CLUL1: variants seen among roughly 807,000 people sequenced by gnomAD.
CLUL1 encodes the protein clusterin like 1.
CLUL1 carries 43 observed loss-of-function variants against 49.4 expected under a neutral mutation model. That is an observed-to-expected ratio of 0.87 (90% CI 0.68 to 1.12). The LOEUF (loss-of-function observed/expected upper bound fraction) is 1.12. Among genes scored for constraint, CLUL1 ranks in the 50% most tolerant of loss-of-function variants. The probability of loss-of-function intolerance (pLI) is 0.00; values close to 1 mark genes in which losing one functional copy is unlikely to be tolerated. For missense variants in CLUL1, 486 were observed against 544.4 expected (o/e 0.89, Z 1.07); for synonymous variants, 192 against 184.9 (o/e 1.04, Z -0.31).
In CLUL1 at chr18:607,090, G is replaced by GA. The variant is rs1275942864; in HGVS notation, c.-23_-22insA. The GA allele has an allele frequency of 1.4e-6, 1 of 701,732 alleles. No homozygotes were observed. The highest frequency in any genetic ancestry group is 2.6e-6 in the Non-Finnish European group (1 of 384,692). The allele number at this position is 701,732 out of a possible 1,614,324, so 43.5% of individuals were successfully genotyped here. On this transcript the variant is annotated 5_prime_UTR_variant, in exon 2 of 10. It introduces an in-frame stop codon into an upstream open reading frame of the 5' UTR. Transcript: ENST00000692774. ...TCCTACCTCAGCCCCATGAGGACCT[G>GA]GGACTACAGGTATGCACCGCTATAC...
chr18:639,402 GC>G (rs2074264984), intron 7 of CLUL1, among the ~76,000 whole-genome samples: 1 of 133,766 alleles, frequency 7.5e-6, no homozygotes, highest in Admixed American at 8.4e-5. Context: ...TTGCACTCCA[GC>G]CTGGGTGACA....
chr18:641,524 A>G lies in CLUL1; in HGVS notation c.1192A>G (p.Ile398Val). ...LANQAPETEI[I>V]FNSIQVVPRI... ...AAACCAGGCCCCAGAAACAGAGATC[A>G]TCTTTAATTCAATACAGGTAAAGGA... is the stretch of plus-strand genomic sequence containing the variant. Residue 398 changes from isoleucine (I) to valine (V), a missense_variant, in exon 8 of 10, where the codon ATC (isoleucine) becomes GTC (valine). By Grantham distance (29) the Ile-to-Val change is conservative. Coordinates refer to ENST00000692774, the MANE Select transcript of CLUL1 (RefSeq NM_001393344.1). 6.2e-7 allele frequency: 1 copy of G among 1,614,122 alleles called. No homozygotes were observed. The highest frequency in any genetic ancestry group is 8.5e-7 in the Non-Finnish European group (1 of 1,179,960).
At chr18:626,613 C>G (rs2073707216) in intron 5 of CLUL1, among the ~76,000 whole-genome samples, 1 of 151,414 alleles carries the variant, frequency 6.6e-6, no homozygotes, top group Admixed American at 6.6e-5. Flanking sequence ...TATCCTAGCA[C>G]TTTGGGAGGC....
intron 7 of CLUL1, among the ~76,000 whole-genome samples, chr18:634,332 C>T (rs1027478271): frequency 6.6e-6 from 1 of 152,094 alleles, no homozygotes; most frequent in Non-Finnish European, 1.5e-5. Flanking sequence ...GAGGGTTTCA[C>T]CATATTGGCC....
At chr18:629,508 AC>A (rs1195320469) in intron 6 of CLUL1, among the ~76,000 whole-genome samples, 22 of 152,006 alleles carry the variant, frequency 1.4e-4, no homozygotes, top group Admixed American at 4.6e-4. Context: ...AACCACTGTA[AC>A]CCCCTCCCAC....
At chr18:635,630 T>C (rs1054089681) in intron 7 of CLUL1, among the ~76,000 whole-genome samples, 10 of 152,176 alleles carry the variant, frequency 6.6e-5, no homozygotes, top group African/African-American at 2.4e-4. Flanking sequence ...GAGTAATTTA[T>C]ATCAACGCAA....
chr18:639,264 A>C (rs2074257419), intron 7 of CLUL1, among the ~76,000 whole-genome samples: 1 of 151,062 alleles, frequency 6.6e-6, no homozygotes, highest in African/African-American at 2.4e-5. Flanking sequence ...ATCTCTATTA[A>C]AAATACAAAA....
chr18:647,266 G>A (rs1272054434), intron 9 of CLUL1, among the ~76,000 whole-genome samples: 1 of 151,518 alleles, frequency 6.6e-6, no homozygotes, highest in African/African-American at 2.4e-5. Flanking sequence ...TCTAGGTACT[G>A]AGGGTGCTGG....
At chr18:619,726 G>T (rs968135041) in intron 4 of CLUL1, among the ~76,000 whole-genome samples, 36 of 150,928 alleles carry the variant, frequency 2.4e-4, no homozygotes, top group African/African-American at 8.8e-4. Context: ...TTTTTTGTTT[G>T]TTTCTGTTTT....
rs762667388 is a variant in CLUL1 at position 641,494 on chromosome 18, C to T, written c.1162C>T (p.Leu388=). Residue 388 remains leucine (L), a synonymous_variant, in exon 8 of 10, where the codon CTG becomes TTG. Coordinates refer to ENST00000692774, the MANE Select transcript of CLUL1 (RefSeq NM_001393344.1). ...AGGGCAATTTGGCTGGGTGTCTGAA[C>T]TGGCAAACCAGGCCCCAGAAACAGA... ...MRGQFGWVSE[L]ANQAPETEII... 2.5e-6 allele frequency: 4 copies of T among 1,614,206 alleles called. No individual in the cohort carries two copies. Among genetic ancestry groups the T allele is most frequent in the Non-Finnish European group, 3.4e-6 (4 of 1,180,036 alleles).
chr18:649,964 C>A lies in CLUL1; in HGVS notation c.*63C>A. On this transcript the variant is annotated 3_prime_UTR_variant, in exon 10 of 10. Coordinates refer to ENST00000692774, the MANE Select transcript of CLUL1 (RefSeq NM_001393344.1). The stretch of plus-strand genomic sequence containing the variant: ...ATCTCTTCATCTGGGACCTGGAAAT[C>A]CTGAAATAAAAAAGGATAATGCAAT... The A allele has an allele frequency of 9.0e-7, 1 of 1,116,904 alleles. No homozygotes were observed. The highest frequency in any genetic ancestry group is 1.3e-6 in the Non-Finnish European group (1 of 760,546). 69.2% of individuals were successfully genotyped at this position (1,116,904 alleles called of 1,614,324 possible).
rs1233996238 is a variant in CLUL1, at chr18:639,152, T to C, written c.995-2175T>C. ...TAAAAACATGCTTCATACAGCCGGG[T>C]GTGGTGGCTCATGCCTGTAATCCCA... On this transcript the variant is annotated intron_variant, in intron 7 of 9. Transcript: ENST00000692774. Among the ~76,000 whole-genome samples the C allele has an allele frequency of 2.0e-5, 3 of 152,034 alleles. No individual in the cohort carries two copies. The East Asian group carries it at 5.8e-4, about 29-fold the overall frequency.
intron 2 of CLUL1, among the ~76,000 whole-genome samples, chr18:608,106 G>C (rs112063791): frequency 3.1e-4 from 47 of 152,306 alleles, no homozygotes; most frequent in African/African-American, 1.1e-3. Flanking sequence ...GAGTGAGGCT[G>C]TGCTGGGTGC....
At chr18:646,115 A>G (rs1254135166) in intron 9 of CLUL1, among the ~76,000 whole-genome samples, 1 of 151,756 alleles carries the variant, frequency 6.6e-6, no homozygotes, top group Non-Finnish European at 1.5e-5. Flanking sequence ...ATGTGGAGCC[A>G]GTTCTCTCTC....
intron 6 of CLUL1, among the ~76,000 whole-genome samples, chr18:632,412 T>A (rs919593963): frequency 2.0e-5 from 3 of 152,132 alleles, no homozygotes; most frequent in Non-Finnish European, 4.4e-5. Context: ...TAACCACCTA[T>A]CACCCACTTT....
chr18:613,429 T>C (rs980062810), intron 2 of CLUL1: 4 of 247,148 alleles, frequency 1.6e-5, no homozygotes, highest in Non-Finnish European at 3.1e-5. Flanking sequence ...TGAGCCACTG[T>C]GCCTGGCAAT....
intron 2 of CLUL1, among the ~76,000 whole-genome samples, chr18:611,499 G>A (rs1252044303): frequency 6.6e-6 from 1 of 152,034 alleles, no homozygotes; most frequent in Non-Finnish European, 1.5e-5. Flanking sequence ...AGGAGTTGGA[G>A]ACTATAGAGC....
intron 2 of CLUL1, chr18:616,685 T>C: frequency 1.0e-6 from 1 of 977,252 alleles, no homozygotes; most frequent in Non-Finnish European, 1.2e-6. Flanking sequence ...CTGACACGGA[T>C]GAAAATTAAA....
rs1381149066 is a variant in CLUL1 at position 627,433 on chromosome 18, C to CT, written c.761dup (p.Phe255ValfsTer3). 1.9e-6 allele frequency: 3 copies of CT among 1,613,736 alleles called. No homozygotes were observed. The highest frequency in any genetic ancestry group is 2.5e-6 in the Non-Finnish European group (3 of 1,179,768). ...TTGGGACATTCCCAACTTCTTCCAG[C>CT]TGTTTTGTAATTTCAGTGTCTCTAT... On this transcript the variant is annotated frameshift_variant, in exon 6 of 10. Transcript: ENST00000692774. LOFTEE classifies it high-confidence loss of function.
Sources: gnomAD v4.1 joint callset for allele counts (sites outside exome capture counted in the v4.1 genomes callset) on GRCh38, gnomAD v4.1.1 for gene constraint, MANE v1.5 for transcripts, NCBI Gene and HGNC (gene_info 2026-07-23, HGNC 2026-07-21) for gene names.